The following AUTS2 variants were observed in gnomAD, a reference collection of about 807,000 sequenced individuals.
AUTS2 encodes activator of transcription and developmental regulator AUTS2, also known as autism susceptibility gene 2 protein.
A neutral mutation model predicts 112.4 loss-of-function variants in AUTS2; 17 were observed. That is an observed-to-expected ratio of 0.15 (90% confidence interval 0.10 to 0.23). The LOEUF is 0.23. AUTS2 is among the 10% of genes least tolerant of loss of function. AUTS2 has a pLI of 1.00. For missense variants in AUTS2, 1,510 were observed against 1,701.6 expected (o/e 0.89, Z 1.98); for synonymous variants, 751 against 702.7 (o/e 1.07, Z -1.09).
At chr7:70,245,308 A>G (rs1812864850) in intron 4 of AUTS2, among the ~76,000 whole-genome samples, 1 of 151,990 alleles carries the variant, frequency 6.6e-6, no homozygotes, top group Non-Finnish European at 1.5e-5. Flanking sequence ...TTAATAAGTC[A>G]CTGCTAATGG....
chr7:70,222,225 C>T lies in AUTS2; in HGVS notation c.660+87654C>T, dbSNP rs999737092. 4.2e-4 allele frequency among the ~76,000 whole-genome samples: 64 copies of T among 152,098 alleles called. 1 individual carries two copies. The highest frequency in any genetic ancestry group is 6.3e-4 in the African/African-American group (26 of 41,394). On this transcript the variant is annotated intron_variant, in intron 4 of 18. Coordinates refer to ENST00000342771, the MANE Select transcript of AUTS2 (RefSeq NM_015570.4). The stretch of plus-strand genomic sequence containing the variant: ...TTTGAAGAAGAGGAAACTAAGACAG[C>T]GAATAAAATAATAAACAATATTATT...
At chr7:70,581,635 C>G (rs1163560203) in intron 5 of AUTS2, among the ~76,000 whole-genome samples, 2 of 152,066 alleles carry the variant, frequency 1.3e-5, no homozygotes, top group African/African-American at 2.4e-5. Context: ...TTGTTACCCA[C>G]CACAGTACTC....
intron 4 of AUTS2, among the ~76,000 whole-genome samples, chr7:70,288,967 G>A (rs1310681896): frequency 1.3e-5 from 2 of 152,136 alleles, no homozygotes; most frequent in Non-Finnish European, 2.9e-5. Context: ...ATCTACCCAG[G>A]ACCCGGTAGA....
chr7:70,608,513 G>A (rs1277430712), intron 5 of AUTS2, among the ~76,000 whole-genome samples: 1 of 152,168 alleles, frequency 6.6e-6, no homozygotes, highest in Admixed American at 6.5e-5. Flanking sequence ...AGACTAAAAT[G>A]CTTTTTTTAG....
intron 5 of AUTS2, among the ~76,000 whole-genome samples, chr7:70,440,086 T>C (rs1239872843): frequency 1.3e-5 from 2 of 151,960 alleles, no homozygotes; most frequent in African/African-American, 4.8e-5. Flanking sequence ...AGCAATTAAA[T>C]GAAAGCATTT....
chr7:69,793,227 A>T (rs1362498354), intron 1 of AUTS2, among the ~76,000 whole-genome samples: 1 of 152,156 alleles, frequency 6.6e-6, no homozygotes, highest in African/African-American at 2.4e-5. Context: ...TCTAAGACCT[A>T]TGGTGCTCTC....
intron 1 of AUTS2, among the ~76,000 whole-genome samples, chr7:69,712,678 G>A (rs185602492): frequency 5.5e-4 from 83 of 152,214 alleles, no homozygotes; most frequent in African/African-American, 1.9e-3. Context: ...AAGCTGCTAT[G>A]AATACTAGAA....
chr7:70,681,463 G>T (rs187397917), intron 5 of AUTS2, among the ~76,000 whole-genome samples: 194 of 152,208 alleles, frequency 1.3e-3, no homozygotes, highest in Admixed American at 3.3e-3. Flanking sequence ...CTGGGGGTGA[G>T]AAAATCCTCT....
intron 4 of AUTS2, among the ~76,000 whole-genome samples, chr7:70,312,442 T>C (rs1370688412): frequency 6.6e-6 from 1 of 152,206 alleles, no homozygotes; most frequent in African/African-American, 2.4e-5. Context: ...GTGTATATAA[T>C]ATAGGCAGTG....
intron 5 of AUTS2, among the ~76,000 whole-genome samples, chr7:70,632,396 C>A (rs1275059948): frequency 6.6e-6 from 1 of 152,060 alleles, no homozygotes; most frequent in Admixed American, 6.5e-5. Flanking sequence ...TCTCATTAAG[C>A]CCCTTGGCCT....
In AUTS2 at chr7:70,119,969, G is replaced by C. The variant is rs1805598175; in HGVS notation, c.624+1736G>C. 2.0e-5 allele frequency: 3 copies of C among 152,058 alleles called. No homozygotes were observed. In the South Asian group the frequency reaches 6.2e-4, roughly 32 times the overall value. The allele number at this position is 152,058 out of a possible 1,614,324, so 9.4% of individuals were successfully genotyped here. On this transcript the variant is annotated intron_variant, in intron 3 of 18. Transcript: ENST00000342771. ...TAAAAAAAGAAATTAAACTTTACTA[G>C]TATTCAGTTTAACGAGCGGGGAATA...
intron 1 of AUTS2, among the ~76,000 whole-genome samples, chr7:69,883,918 T>C (rs201583188): frequency 6.6e-6 from 1 of 152,178 alleles, no homozygotes; most frequent in Admixed American, 6.5e-5. Flanking sequence ...TCATAGGCTG[T>C]GATGGGGATT....
intron 2 of AUTS2, among the ~76,000 whole-genome samples, chr7:69,909,105 G>A (rs562946699): frequency 6.6e-6 from 1 of 152,228 alleles, no homozygotes; most frequent in African/African-American, 2.4e-5. Context: ...AACTTGGGAA[G>A]AATCATAAAA....
chr7:70,464,985 T>C (rs1226732612), intron 5 of AUTS2, among the ~76,000 whole-genome samples: 1 of 152,178 alleles, frequency 6.6e-6, no homozygotes, highest in African/African-American at 2.4e-5. Flanking sequence ...TTTCTTCTCA[T>C]TTATGGCATC....
chr7:69,769,512 G>A lies in AUTS2; in HGVS notation c.310-129774G>A, dbSNP rs183718062. Among the ~76,000 whole-genome samples the A allele has an allele frequency of 2.3e-3, 349 of 152,290 alleles. 3 individuals are homozygous for A. Among genetic ancestry groups the A allele is most frequent in the Non-Finnish European group, 2.6e-3 (177 of 68,018 alleles). On this transcript the variant is annotated intron_variant, in intron 1 of 18. Coordinates refer to ENST00000342771, the MANE Select transcript of AUTS2 (RefSeq NM_015570.4). Reference sequence around the variant, plus strand: ...TCCTGAAGTTAATGGTGATGGAAATGCACCATTCTGCATTTAGCTGGAAAT... The same window carrying A: ...TCCTGAAGTTAATGGTGATGGAAATACACCATTCTGCATTTAGCTGGAAAT...
intron 1 of AUTS2, among the ~76,000 whole-genome samples, chr7:69,794,684 A>G (rs1219383941): frequency 1.3e-5 from 2 of 152,084 alleles, no homozygotes; most frequent in Non-Finnish European, 2.9e-5. Context: ...GACAGTACCA[A>G]TAAAGGTAAA....
intron 4 of AUTS2, among the ~76,000 whole-genome samples, chr7:70,280,933 T>C (rs959297597): frequency 6.6e-6 from 1 of 152,288 alleles, no homozygotes; most frequent in East Asian, 1.9e-4. Flanking sequence ...ATAATAAATT[T>C]ATTAGGATTT....
intron 4 of AUTS2, among the ~76,000 whole-genome samples, chr7:70,240,528 C>T (rs777316464): frequency 2.6e-5 from 4 of 152,118 alleles, no homozygotes; most frequent in Non-Finnish European, 4.4e-5. Context: ...CTCCTGACTC[C>T]GGTCTAGTAT....
In AUTS2 at chr7:70,783,854, C is replaced by G. The variant is rs533362731; in HGVS notation, c.2147-1088C>G. 9 of 152,138 alleles carry G rather than the reference C, an allele frequency of 5.9e-5. No individual in the cohort carries two copies. In the East Asian group the frequency reaches 1.5e-3, roughly 26 times the overall value. The allele number at this position is 152,138 out of a possible 1,614,324, so 9.4% of individuals were successfully genotyped here. A position where few individuals can be genotyped will look rare whatever the true frequency, so the allele number is the denominator to read the frequency against. On this transcript the variant is annotated intron_variant, in intron 15 of 18. Coordinates refer to ENST00000342771, the MANE Select transcript of AUTS2 (RefSeq NM_015570.4). ...AGCCTCCTTAGCTAGTAAGTAGCCT[C>G]GTATTAACAAGCCCATTTGGTGCCC...
Sources: allele counts gnomAD v4.1 joint callset (sites outside exome capture counted in the v4.1 genomes callset), GRCh38; gene constraint gnomAD v4.1.1; transcripts MANE v1.5; gene names NCBI Gene and HGNC (gene_info 2026-07-23, HGNC 2026-07-21).